The following GALNTL6 variants were observed in gnomAD, a reference collection of about 807,000 sequenced individuals.
GALNTL6 encodes the protein polypeptide N-acetylgalactosaminyltransferase-like 6.
A neutral mutation model predicts 73.7 loss-of-function variants in GALNTL6; 46 were observed. The observed-to-expected ratio is 0.62, with a 90% CI of 0.49 to 0.80. GALNTL6 has a LOEUF of 0.80. Among genes scored for constraint, GALNTL6 ranks in the 30% least tolerant of loss-of-function variants. GALNTL6 has a pLI of 0.00. For missense variants in GALNTL6, 604 were observed against 755.0 expected, an observed-to-expected ratio of 0.80 and a Z score of 2.34; for synonymous variants, 259 against 263.7, an observed-to-expected ratio of 0.98 and a Z score of 0.17.
chr4:172,112,022 G>A (rs1311442229), intron 2 of GALNTL6, among the ~76,000 whole-genome samples: 2 of 152,044 alleles, frequency 1.3e-5, no homozygotes, highest in Admixed American at 6.6e-5. Flanking sequence ...ATTAAAGGAT[G>A]AGACTAATTT....
At chr4:172,387,132 G>A (rs1352729664) in intron 5 of GALNTL6, among the ~76,000 whole-genome samples, 1 of 152,030 alleles carries the variant, frequency 6.6e-6, no homozygotes, top group Non-Finnish European at 1.5e-5. Flanking sequence ...CTCCCAAAGG[G>A]CCCACCTCCA....
At chr4:172,328,123 C>G (rs972912362) in intron 4 of GALNTL6, among the ~76,000 whole-genome samples, 2 of 152,034 alleles carry the variant, frequency 1.3e-5, no homozygotes, top group South Asian at 2.1e-4. Context: ...GAAAAATGAT[C>G]TCATTTCTCT....
chr4:172,954,346 G>A (rs572061932), intron 10 of GALNTL6, among the ~76,000 whole-genome samples: 7 of 152,286 alleles, frequency 4.6e-5, no homozygotes, highest in South Asian at 4.2e-4. Context: ...CCAAGTAGGC[G>A]ATGCCAGTGT....
intron 5 of GALNTL6, among the ~76,000 whole-genome samples, chr4:172,681,340 G>A (rs374252127): frequency 5.9e-5 from 9 of 151,534 alleles, no homozygotes; most frequent in South Asian, 2.1e-4. Context: ...CTCCCATGAC[G>A]TACACTTCAT....
At chr4:172,763,937 G>A (rs892969720) in intron 5 of GALNTL6, among the ~76,000 whole-genome samples, 5 of 148,802 alleles carry the variant, frequency 3.4e-5, no homozygotes, top group African/African-American at 1.2e-4. Flanking sequence ...AATCAAAAAA[G>A]AGCAATTTCA....
In GALNTL6 at chr4:172,305,960, C is replaced by A. The variant is rs534115167; in HGVS notation, c.248-5654C>A. On this transcript the variant is annotated intron_variant, in intron 3 of 12. Coordinates refer to ENST00000506823, the MANE Select transcript of GALNTL6 (RefSeq NM_001034845.3). ...GACAGATGGTCTAATGAATGTGTAG[C>A]TTCAAATTTTTATTTTGTAGTCTTA... is the stretch of plus-strand genomic sequence containing the variant. Among the ~76,000 whole-genome samples the A allele has an allele frequency of 9.9e-5, 15 of 152,120 alleles. No individual in the cohort carries two copies. In the South Asian group the frequency reaches 1.7e-3, roughly 17 times the overall value.
At chr4:172,881,638 CAT>C (rs1745455739) in intron 7 of GALNTL6, among the ~76,000 whole-genome samples, 1 of 152,184 alleles carries the variant, frequency 6.6e-6, no homozygotes, top group Admixed American at 6.5e-5. Context: ...TATGGTTATG[CAT>C]ATCTTTTTGT....
intron 8 of GALNTL6, among the ~76,000 whole-genome samples, chr4:172,902,291 T>C (rs1269560045): frequency 1.3e-5 from 2 of 152,206 alleles, no homozygotes; most frequent in Non-Finnish European, 2.9e-5. Flanking sequence ...AATATTAACA[T>C]TTTCAAAAGA....
At chr4:172,805,557 A>G (rs1005318057) in intron 5 of GALNTL6, among the ~76,000 whole-genome samples, 1 of 152,092 alleles carries the variant, frequency 6.6e-6, no homozygotes, top group Non-Finnish European at 1.5e-5. Flanking sequence ...GGTTGTCTGG[A>G]CCATGGACCA....
intron 4 of GALNTL6, among the ~76,000 whole-genome samples, chr4:172,341,970 A>C (rs1010187317): frequency 3.3e-5 from 5 of 152,162 alleles, no homozygotes; most frequent in African/African-American, 1.2e-4. Context: ...AAATAGCAAA[A>C]ATCTGTATTA....
intron 2 of GALNTL6, among the ~76,000 whole-genome samples, chr4:172,085,367 T>TTCCATTATGTGATTAAAAATATGAAATA (rs1407438330): frequency 6.6e-6 from 1 of 152,054 alleles, no homozygotes; most frequent in Admixed American, 6.6e-5. Flanking sequence ...CATGTAGGAA[T>TTCCATTATGTGATTAAAAATATGAAATA]CATACGTTTC....
Position 172,609,625 on chromosome 4 carries a change from C to CTGTGTGTGTGTG in GALNTL6, c.554-199706_554-199695dup, listed in dbSNP as rs35490374. 8.8e-4 allele frequency among the ~76,000 whole-genome samples: 82 copies of CTGTGTGTGTGTG among 92,770 alleles called. 1 individual carries two copies. The highest frequency in any genetic ancestry group is 2.8e-3 in the African/African-American group (62 of 21,868). 60.9% of individuals were successfully genotyped at this position (92,770 alleles called of 152,430 possible). A position where few individuals can be genotyped will look rare whatever the true frequency, so the allele number is the denominator to read the frequency against. On this transcript the variant is annotated intron_variant, in intron 5 of 12. Transcript: ENST00000506823. ...TTTCTCTCTCTCTCTCTCTCTCTCT[C>CTGTGTGTGTGTG]TGTGTGTGTGTGTGTGTGTGTGTGT...
At chr4:172,353,297 C>T (rs1303568860) in intron 5 of GALNTL6, among the ~76,000 whole-genome samples, 1 of 152,080 alleles carries the variant, frequency 6.6e-6, no homozygotes, top group East Asian at 1.9e-4. Context: ...CAGAGCAAAA[C>T]TCTGTCCCAA....
chr4:172,951,987 T>C, intron 9 of GALNTL6, 50 bp from the exon 10 acceptor site: 1 of 1,472,918 alleles, frequency 6.8e-7, no homozygotes. Context: ...AAAAAACACC[T>C]TTTGAATGAA....
At chr4:172,707,520 G>T (rs1734428400) in intron 5 of GALNTL6, among the ~76,000 whole-genome samples, 1 of 152,150 alleles carries the variant, frequency 6.6e-6, no homozygotes, top group East Asian at 1.9e-4. Flanking sequence ...CCAAAAGAAA[G>T]GTATTGCTTA....
chr4:172,000,267 AAC>A lies in GALNTL6; in HGVS notation c.138+185550_138+185551del, dbSNP rs1740634835. Among the ~76,000 whole-genome samples the A allele has an allele frequency of 4.6e-5, 7 of 152,320 alleles. No homozygotes were observed. The South Asian group carries it at 1.2e-3, about 27-fold the overall frequency. On this transcript the variant is annotated intron_variant, in intron 2 of 12. Coordinates refer to ENST00000506823, the MANE Select transcript of GALNTL6 (RefSeq NM_001034845.3). Reference sequence around the variant, plus strand: ...ATGAGGTCCGGCAGTATGGAAAATAAACTCTCCTTGGTCAGAATCTTCCTGCT... The same window carrying A: ...ATGAGGTCCGGCAGTATGGAAAATAATCTCCTTGGTCAGAATCTTCCTGCT...
intron 5 of GALNTL6, among the ~76,000 whole-genome samples, chr4:172,591,530 G>T (rs1737636478): frequency 6.6e-6 from 1 of 152,168 alleles, no homozygotes; most frequent in African/African-American, 2.4e-5. Context: ...TCTGAAAAAT[G>T]AATGTGTTAT....
Position 172,788,629 on chromosome 4 carries a change from A to G in GALNTL6, c.554-20732A>G, listed in dbSNP as rs571884347. ...GGAGCTTGCAGTGGGCCGATATCGC[A>G]CCACTGCACTCCAGCCTGAGGGACA... On this transcript the variant is annotated intron_variant, in intron 5 of 12. Transcript: ENST00000506823. Among the ~76,000 whole-genome samples, 145 of 140,938 alleles carry G rather than the reference A, an allele frequency of 1.0e-3. 1 individual carries two copies. The highest frequency in any genetic ancestry group is 6.2e-3 in the Admixed American group (82 of 13,188). 92.5% of individuals were successfully genotyped at this position (140,938 alleles called of 152,430 possible). A position where few individuals can be genotyped will look rare whatever the true frequency, so the allele number is the denominator to read the frequency against.
At chr4:172,564,460 A>G (rs1579193585) in intron 5 of GALNTL6, among the ~76,000 whole-genome samples, 2 of 152,156 alleles carry the variant, frequency 1.3e-5, no homozygotes, top group African/African-American at 4.8e-5. Flanking sequence ...TGTGCCTCCA[A>G]TTTTTTCTGA....
Sources: gnomAD v4.1 joint callset for allele counts (sites outside exome capture counted in the v4.1 genomes callset) on GRCh38, gnomAD v4.1.1 for gene constraint, MANE v1.5 for transcripts, NCBI Gene and HGNC (gene_info 2026-07-23, HGNC 2026-07-21) for gene names.